KCNH7: variants seen among roughly 807,000 people sequenced by gnomAD.
KCNH7 encodes the protein voltage-gated inwardly rectifying potassium channel KCNH7.
A neutral mutation model predicts 120.8 loss-of-function variants in KCNH7; 49 were observed. The ratio of observed to expected loss-of-function variants is 0.41; its 90% CI spans 0.32 to 0.51. KCNH7 has a LOEUF of 0.51. Ranked by LOEUF, KCNH7 falls within the 20% of genes least tolerant of loss-of-function variation. The pLI is 0.38. For missense variants in KCNH7, 1,097 were observed against 1,446.6 expected, an observed-to-expected ratio of 0.76 and a Z score of 3.92; for synonymous variants, 547 against 516.1, an observed-to-expected ratio of 1.06 and a Z score of -0.81.
chr2:162,445,996 A>T (rs1363279648), intron 7 of KCNH7, 22 bp downstream of exon 7: 1 of 1,540,920 alleles, frequency 6.5e-7, no homozygotes, highest in Non-Finnish European at 8.8e-7. Flanking sequence ...TTCAGAAAAT[A>T]AGAATCTTAA....
intron 2 of KCNH7, among the ~76,000 whole-genome samples, chr2:162,810,539 T>C (rs1023953434): frequency 2.6e-5 from 4 of 152,136 alleles, no homozygotes; most frequent in African/African-American, 7.2e-5. Flanking sequence ...CTAATATTAA[T>C]AGGAAAGGTA....
chr2:162,649,600 C>T (rs1013796582), intron 2 of KCNH7, among the ~76,000 whole-genome samples: 5 of 151,778 alleles, frequency 3.3e-5, no homozygotes, highest in Non-Finnish European at 5.9e-5. Flanking sequence ...AATGGCAGAA[C>T]CTGAGAACAA....
At chr2:162,651,280 TG>T (rs1429946947) in intron 2 of KCNH7, among the ~76,000 whole-genome samples, 5 of 152,198 alleles carry the variant, frequency 3.3e-5, no homozygotes, top group Admixed American at 2.0e-4. Flanking sequence ...ATTTGTGTCA[TG>T]GGGGTTTCTG....
intron 3 of KCNH7, among the ~76,000 whole-genome samples, chr2:162,521,684 G>A (rs990143492): frequency 1.3e-5 from 2 of 151,832 alleles, no homozygotes; most frequent in Non-Finnish European, 2.9e-5. Flanking sequence ...AGAATACATT[G>A]TGTAATGATC....
chr2:162,483,185 T>A (rs979842056), intron 6 of KCNH7, among the ~76,000 whole-genome samples: 1 of 152,072 alleles, frequency 6.6e-6, no homozygotes, highest in Non-Finnish European at 1.5e-5. Context: ...ATATTCCATA[T>A]GGTTGGGAAA....
At chr2:162,549,354 C>T (rs184593015) in intron 2 of KCNH7, among the ~76,000 whole-genome samples, 6 of 152,294 alleles carry the variant, frequency 3.9e-5, no homozygotes, top group African/African-American at 7.2e-5. Flanking sequence ...AAGGTTAAGC[C>T]GTTAGCTTCT....
At chr2:162,647,640 C>T (rs553859220) in intron 2 of KCNH7, among the ~76,000 whole-genome samples, 1 of 152,242 alleles carries the variant, frequency 6.6e-6, no homozygotes, top group Admixed American at 6.5e-5. Flanking sequence ...AGTTCCCTAA[C>T]ACGAGCTCTC....
intron 2 of KCNH7, among the ~76,000 whole-genome samples, chr2:162,559,792 T>C (rs767352920): frequency 1.3e-5 from 2 of 152,216 alleles, no homozygotes. Context: ...TATAGTTGTA[T>C]CTATGTGAAC....
At chr2:162,542,585 A>T (rs1164534119) in intron 2 of KCNH7, among the ~76,000 whole-genome samples, 1 of 151,720 alleles carries the variant, frequency 6.6e-6, no homozygotes, top group Non-Finnish European at 1.5e-5. Flanking sequence ...TGGACTCATC[A>T]TTTTTTATGG....
intron 13 of KCNH7, among the ~76,000 whole-genome samples, chr2:162,380,598 C>T (rs531174688): frequency 1.3e-5 from 2 of 152,242 alleles, no homozygotes; most frequent in South Asian, 2.1e-4. Context: ...TCCCCAGCTA[C>T]TGTTTCATGT....
intron 6 of KCNH7, among the ~76,000 whole-genome samples, chr2:162,477,817 T>TATCCATCCATCCATCCATCC (rs4001398): frequency 2.0e-5 from 3 of 148,902 alleles, no homozygotes; most frequent in African/African-American, 7.6e-5. Context: ...CCCAAACATC[T>TATCCATCCATCCATCCATCC]ATCCATCCAT....
chr2:162,809,823 A>G (rs917058171), intron 2 of KCNH7, among the ~76,000 whole-genome samples: 3 of 151,938 alleles, frequency 2.0e-5, no homozygotes, highest in African/African-American at 7.3e-5. Context: ...ACATTAACTC[A>G]TTGATTTGTA....
chr2:162,380,509 C>T (rs948851199), intron 13 of KCNH7, among the ~76,000 whole-genome samples: 1 of 152,016 alleles, frequency 6.6e-6, no homozygotes, highest in Non-Finnish European at 1.5e-5. Flanking sequence ...CAGGGTGATT[C>T]TCTTTGGCCA....
chr2:162,719,767 AAAAC>A (rs910214655), intron 2 of KCNH7, among the ~76,000 whole-genome samples: 1 of 152,184 alleles, frequency 6.6e-6, no homozygotes, highest in South Asian at 2.1e-4. Context: ...GACTGAAGAA[AAAAC>A]AAACAAACAA....
intron 2 of KCNH7, among the ~76,000 whole-genome samples, chr2:162,576,173 C>A (rs1249633137): frequency 6.6e-6 from 1 of 151,980 alleles, no homozygotes; most frequent in African/African-American, 2.4e-5. Context: ...GAATTCAAAT[C>A]CTCTCATAAA....
At chr2:162,487,189 T>C (rs778015294) in intron 6 of KCNH7, among the ~76,000 whole-genome samples, 6 of 152,174 alleles carry the variant, frequency 3.9e-5, no homozygotes, top group African/African-American at 1.2e-4. Flanking sequence ...ACATAAATCT[T>C]ATGATTAAAA....
chr2:162,799,439 G>A (rs1239837496), intron 2 of KCNH7, among the ~76,000 whole-genome samples: 4 of 151,688 alleles, frequency 2.6e-5, no homozygotes, highest in Non-Finnish European at 4.4e-5. Flanking sequence ...TAATAATCAA[G>A]CAATATTTTT....
intron 2 of KCNH7, among the ~76,000 whole-genome samples, chr2:162,712,808 A>C (rs577393689): frequency 6.6e-6 from 1 of 152,344 alleles, no homozygotes; most frequent in East Asian, 1.9e-4. Flanking sequence ...GCCACTTGTC[A>C]GAGCAGTTCA....
chr2:162,663,975 C>A (rs998045678), intron 2 of KCNH7, among the ~76,000 whole-genome samples: 18 of 152,092 alleles, frequency 1.2e-4, no homozygotes, highest in Admixed American at 4.6e-4. Context: ...CTGACCTCCT[C>A]TACTCATTTC....
Sources: gnomAD v4.1 joint callset for allele counts (sites outside exome capture counted in the v4.1 genomes callset) on GRCh38, gnomAD v4.1.1 for gene constraint, MANE v1.5 for transcripts, NCBI Gene and HGNC (gene_info 2026-07-23, HGNC 2026-07-21) for gene names.